The following MYO3B variants were observed in gnomAD, a reference collection of about 807,000 sequenced individuals.
MYO3B encodes the protein myosin IIIB, also known as myosin-IIIb.
MYO3B carries 156 observed loss-of-function variants against 174.6 expected under a neutral mutation model. The ratio of observed to expected loss-of-function variants is 0.89; its 90% CI spans 0.78 to 1.02. The LOEUF is 1.02. Among genes scored for constraint, MYO3B ranks in the 50% least tolerant of loss-of-function variants. The pLI, the probability that MYO3B is intolerant of heterozygous loss-of-function variation, is 0.00. For missense variants in MYO3B, 1,632 were observed against 1,639.4 expected (o/e 1.00, Z 0.08); for synonymous variants, 563 against 569.1 (o/e 0.99, Z 0.15).
At chr2:170,634,446 T>TA (rs1190841299) in intron 32 of MYO3B, among the ~76,000 whole-genome samples, 5 of 151,758 alleles carry the variant, frequency 3.3e-5, no homozygotes, top group African/African-American at 1.2e-4. Flanking sequence ...ATCCCTTCCT[T>TA]ACACCTTATA....
intron 7 of MYO3B, among the ~76,000 whole-genome samples, chr2:170,262,750 C>T (rs540648660): frequency 6.6e-6 from 1 of 152,290 alleles, no homozygotes; most frequent in East Asian, 1.9e-4. Flanking sequence ...CTTCCCTGTT[C>T]AGGTTGCTAC....
At chr2:170,280,039 A>G (rs1454521640) in intron 7 of MYO3B, among the ~76,000 whole-genome samples, 1 of 152,192 alleles carries the variant, frequency 6.6e-6, no homozygotes, top group Non-Finnish European at 1.5e-5. Context: ...AGGAATAACC[A>G]TACTGCTTTC....
chr2:170,221,808 C>T (rs956209958), intron 6 of MYO3B, among the ~76,000 whole-genome samples: 5 of 152,152 alleles, frequency 3.3e-5, no homozygotes, highest in Admixed American at 2.0e-4. Context: ...CTCAAGCATT[C>T]CTTCTGCTTC....
intron 32 of MYO3B, among the ~76,000 whole-genome samples, chr2:170,575,688 G>T (rs1333428216): frequency 6.6e-6 from 1 of 152,120 alleles, no homozygotes; most frequent in Non-Finnish European, 1.5e-5. Context: ...AAAATAGTCA[G>T]TTACCTCTGG....
At chr2:170,195,810 C>G (rs1415308589) in intron 1 of MYO3B, among the ~76,000 whole-genome samples, 1 of 152,244 alleles carries the variant, frequency 6.6e-6, no homozygotes, top group Non-Finnish European at 1.5e-5. Flanking sequence ...CACAGCCAAA[C>G]AGTCAAGCCA....
chr2:170,287,660 T>C (rs2093566342), intron 7 of MYO3B, among the ~76,000 whole-genome samples: 1 of 152,108 alleles, frequency 6.6e-6, no homozygotes, highest in South Asian at 2.1e-4. Flanking sequence ...AGTTTACAAA[T>C]ATTTTCTCCT....
chr2:170,303,366 A>C (rs2093678640), intron 7 of MYO3B, among the ~76,000 whole-genome samples: 1 of 152,172 alleles, frequency 6.6e-6, no homozygotes, highest in Admixed American at 6.5e-5. Flanking sequence ...TGGCTGTGGT[A>C]TATTGTCATT....
chr2:170,344,473 G>T (rs1183445523), intron 8 of MYO3B: 2 of 140,790 alleles, frequency 1.4e-5, no homozygotes, highest in Non-Finnish European at 3.1e-5. Context: ...CTCGGTTGGG[G>T]GGGTGGGGGG....
chr2:170,561,535 G>A (rs1398991695), intron 32 of MYO3B, among the ~76,000 whole-genome samples: 2 of 152,168 alleles, frequency 1.3e-5, no homozygotes, highest in Non-Finnish European at 2.9e-5. Flanking sequence ...ATGCACAAAT[G>A]TACACCGGCA....
chr2:170,482,451 G>T (rs1045868510), intron 25 of MYO3B, among the ~76,000 whole-genome samples: 1 of 152,168 alleles, frequency 6.6e-6, no homozygotes, highest in South Asian at 2.1e-4. Flanking sequence ...CACAGTGCCC[G>T]GCCCAAGCTC....
chr2:170,646,916 A>G (rs751277970), intron 32 of MYO3B: 4 of 1,360,300 alleles, frequency 2.9e-6, no homozygotes, highest in Non-Finnish European at 3.0e-6. Context: ...CAGCCTTTCC[A>G]CATTACGGAT....
chr2:170,561,259 A>G (rs1691694399), intron 32 of MYO3B, among the ~76,000 whole-genome samples: 2 of 152,188 alleles, frequency 1.3e-5, no homozygotes, highest in Non-Finnish European at 2.9e-5. Flanking sequence ...TACCACCCTG[A>G]GCAAATTAAC....
intron 7 of MYO3B, among the ~76,000 whole-genome samples, chr2:170,249,632 A>G (rs749251434): frequency 1.6e-4 from 24 of 152,354 alleles, no homozygotes; most frequent in Middle Eastern, 3.4e-3. Flanking sequence ...TACTAAGTAT[A>G]AAGATGATCA....
chr2:170,585,625 T>G lies in MYO3B; in HGVS notation c.3733+41637T>G, dbSNP rs1693453417. Reference sequence around the variant, plus strand: ...TGAGATGATCAGCTAGCATTAGGGGTACCGTTTGTGGGCAGTACAACAGTC... The same window carrying G: ...TGAGATGATCAGCTAGCATTAGGGGGACCGTTTGTGGGCAGTACAACAGTC... On this transcript the variant is annotated intron_variant, in intron 32 of 34. Transcript: ENST00000408978. Among the ~76,000 whole-genome samples the G allele has an allele frequency of 1.3e-5, 2 of 152,138 alleles. 1 individual carries two copies. The highest frequency in any genetic ancestry group is 4.1e-4 in the South Asian group (2 of 4,828).
chr2:170,578,511 T>C (rs1209692711), intron 32 of MYO3B, among the ~76,000 whole-genome samples: 2 of 152,238 alleles, frequency 1.3e-5, no homozygotes, highest in African/African-American at 4.8e-5. Context: ...ACATTTTCTG[T>C]TGAAGTATTT....
At chr2:170,397,410 CTGAG>C (rs1454012900) in intron 16 of MYO3B, among the ~76,000 whole-genome samples, 4 of 152,064 alleles carry the variant, frequency 2.6e-5, no homozygotes, top group Admixed American at 6.5e-5. Context: ...AGTTACCTGC[CTGAG>C]TATTTTTGTG....
intron 30 of MYO3B, among the ~76,000 whole-genome samples, chr2:170,532,076 G>A (rs567245630): frequency 6.6e-6 from 1 of 152,196 alleles, no homozygotes; most frequent in African/African-American, 2.4e-5. Flanking sequence ...ATGAAAGTTA[G>A]CATCACCAGT....
At chr2:170,368,375 T>A (rs951932754) in intron 8 of MYO3B, among the ~76,000 whole-genome samples, 2 of 152,226 alleles carry the variant, frequency 1.3e-5, no homozygotes, top group African/African-American at 4.8e-5. Flanking sequence ...GTACGCAGAA[T>A]AGAAATGTGA....
At chr2:170,296,153 A>G (rs1418591793) in intron 7 of MYO3B, among the ~76,000 whole-genome samples, 2 of 152,232 alleles carry the variant, frequency 1.3e-5, no homozygotes, top group African/African-American at 2.4e-5. Flanking sequence ...GACAGGCCCT[A>G]CATCTTTCCA....
Sources: gnomAD v4.1 joint callset for allele counts (sites outside exome capture counted in the v4.1 genomes callset) on GRCh38, gnomAD v4.1.1 for gene constraint, MANE v1.5 for transcripts, NCBI Gene and HGNC (gene_info 2026-07-23, HGNC 2026-07-21) for gene names.